Variants in RSPH14 observed in about 807,000 individuals in gnomAD.
The protein encoded by RSPH14 is rhabdoid tumor deletion region gene 1.
Under a neutral mutation model 26.7 loss-of-function variants are expected in RSPH14, and 20 were observed. The observed-to-expected ratio is 0.75, with a 90% CI of 0.53 to 1.09. The LOEUF (loss-of-function observed/expected upper bound fraction) is 1.09, where lower values mean the gene tolerates loss of function less well. Among genes scored for constraint, RSPH14 ranks in the 50% least tolerant of loss-of-function variants. RSPH14 has a pLI of 0.00. For missense variants in RSPH14, 449 were observed against 457.2 expected (o/e 0.98, Z 0.16); for synonymous variants, 177 against 189.3 (o/e 0.93, Z 0.53).
At chr22:23,150,961 G>A in the RSPH14 span, among the ~76,000 whole-genome samples, 2 of 152,202 alleles carry the variant, frequency 1.3e-5, no homozygotes, top group African/African-American at 2.4e-5. Context: ...TTCCTGCCGC[G>A]GCAGCTCCTG....
intron 4 of RSPH14, among the ~76,000 whole-genome samples, chr22:23,100,460 G>A (rs905005832): frequency 4.6e-5 from 7 of 152,208 alleles, no homozygotes; most frequent in East Asian, 3.8e-4. Flanking sequence ...TCCAGGGGAC[G>A]GGGGACATAA....
upstream of RSPH14, among the ~76,000 whole-genome samples, chr22:23,149,060 A>C (rs570418119): frequency 1.5e-4 from 23 of 152,318 alleles, no homozygotes; most frequent in South Asian, 4.8e-3. Context: ...CTGCTGCCTC[A>C]ATCACAGCTG....
intron 4 of RSPH14, among the ~76,000 whole-genome samples, chr22:23,106,516 C>T (rs2069482103): frequency 6.6e-6 from 1 of 152,192 alleles, no homozygotes; most frequent in Non-Finnish European, 1.5e-5. Flanking sequence ...GGACTTGTGT[C>T]CATCTGGACT....
At chr22:23,142,680 G>T (rs1166695134), upstream of RSPH14, among the ~76,000 whole-genome samples, 2 of 152,178 alleles carry the variant, frequency 1.3e-5, no homozygotes, top group Non-Finnish European at 1.5e-5. Context: ...AGACTGCCTA[G>T]CCCTGCCCAT....
At chr22:23,165,069 G>T in the RSPH14 span, among the ~76,000 whole-genome samples, 1 of 152,246 alleles carries the variant, frequency 6.6e-6, no homozygotes, top group East Asian at 1.9e-4. Flanking sequence ...AGTGTGATTG[G>T]TCACATCTGG....
At chr22:23,090,146 A>T (rs1351434042) in intron 4 of RSPH14, among the ~76,000 whole-genome samples, 1 of 152,164 alleles carries the variant, frequency 6.6e-6, no homozygotes, top group African/African-American at 2.4e-5. Context: ...AGCCCTGGCC[A>T]TAAGCACAGC....
chr22:23,067,104 A>C (rs1010142987), intron 4 of RSPH14, among the ~76,000 whole-genome samples: 3 of 152,110 alleles, frequency 2.0e-5, no homozygotes, highest in African/African-American at 7.2e-5. Context: ...GGCCTGGCTG[A>C]TATGTAGGGG....
chr22:23,144,069 G>A (rs1465592929), upstream of RSPH14, among the ~76,000 whole-genome samples: 1 of 145,278 alleles, frequency 6.9e-6, no homozygotes, highest in African/African-American at 2.6e-5. Flanking sequence ...CTCCAGCCTG[G>A]GCGACAGAGT....
chr22:23,125,561 T>C (rs1314250557), intron 4 of RSPH14, among the ~76,000 whole-genome samples: 1 of 152,248 alleles, frequency 6.6e-6, no homozygotes, highest in East Asian at 1.9e-4. Flanking sequence ...AAAGTGCCGA[T>C]CAGAAGTCAA....
chr22:23,086,400 C>T (rs1339120478), intron 4 of RSPH14, among the ~76,000 whole-genome samples: 1 of 152,248 alleles, frequency 6.6e-6, no homozygotes, highest in East Asian at 1.9e-4. Context: ...GAGCAAAGCA[C>T]TCGGCCCAGC....
upstream of RSPH14, chr22:23,145,669 T>C (rs1298039582): frequency 2.1e-5 from 25 of 1,217,258 alleles, no homozygotes; most frequent in Non-Finnish European, 3.4e-6. Context: ...CCCTATAACT[T>C]GAAAGCGGCC....
At chr22:23,145,876 T>G (rs1601878765), upstream of RSPH14, 1 of 668,874 alleles carries the variant, frequency 1.5e-6, no homozygotes, top group Non-Finnish European at 1.8e-6. Context: ...AGAGGCCTGG[T>G]GAAGTGAGGG....
Position 23,080,358 on chromosome 22 carries a change from T to TTCATCTCATCTCCCCGG in RSPH14, c.422-16242_422-16226dup, listed in dbSNP as rs1372605287. Among the ~76,000 whole-genome samples, 8 of 152,170 alleles carry TTCATCTCATCTCCCCGG rather than the reference T, an allele frequency of 5.3e-5. No homozygotes were observed. The East Asian group carries it at 1.4e-3, about 26-fold the overall frequency. On this transcript the variant is annotated intron_variant, in intron 4 of 6. Coordinates refer to ENST00000216036, the MANE Select transcript of RSPH14 (RefSeq NM_014433.3). The stretch of plus-strand genomic sequence containing the variant: ...AGGGTTACAGGGAAGGGCCTCCCTG[T>TTCATCTCATCTCCCCGG]TCATCTCATCTCCCCGGTCATCTCA...
In RSPH14 at chr22:23,109,133, G is replaced by GT. The variant is rs200359380; in HGVS notation, c.421+24892dup. ...CCTCCTTGGAAGACCTATTGACCAC[G>GT]TTTCTCTTGTGACGCACTTCACTGT... On this transcript the variant is annotated intron_variant, in intron 4 of 6. Coordinates refer to ENST00000216036, the MANE Select transcript of RSPH14 (RefSeq NM_014433.3). Among the ~76,000 whole-genome samples the GT allele has an allele frequency of 5.9e-3, 897 of 152,270 alleles. 9 individuals are homozygous for GT. Among genetic ancestry groups the GT allele is most frequent in the Middle Eastern group, 0.027 (8 of 294 alleles).
chr22:23,156,580 G>A, the RSPH14 span, among the ~76,000 whole-genome samples: 2 of 152,230 alleles, frequency 1.3e-5, no homozygotes, highest in Non-Finnish European at 2.9e-5. Flanking sequence ...TTCCCAGGAA[G>A]AAGACAGAAA....
At chr22:23,158,994 A>C in the RSPH14 span, 7 of 1,613,050 alleles carry the variant, frequency 4.3e-6, no homozygotes, top group Non-Finnish European at 2.5e-6. Flanking sequence ...GCAGAGTGGC[A>C]CTGGTGGTCT....
intron 6 of RSPH14, 58 bp from the exon 7 acceptor site, chr22:23,059,776 C>A (rs996407366): frequency 2.7e-6 from 4 of 1,484,218 alleles, no homozygotes; most frequent in African/African-American, 1.4e-5. Flanking sequence ...TTCTCACCCC[C>A]TCTCACCCTA....
intron 4 of RSPH14, among the ~76,000 whole-genome samples, chr22:23,078,037 C>T (rs906802958): frequency 6.6e-6 from 1 of 152,238 alleles, no homozygotes. Context: ...GGCCTCAGGC[C>T]AGCCCCACCC....
the RSPH14 span, among the ~76,000 whole-genome samples, chr22:23,172,413 C>T: frequency 7.6e-6 from 1 of 131,958 alleles, no homozygotes; most frequent in African/African-American, 2.9e-5. Flanking sequence ...GAGATTCTGT[C>T]TCAAAAAAAA....
Sources: gnomAD v4.1 joint callset for allele counts (sites outside exome capture counted in the v4.1 genomes callset) on GRCh38, gnomAD v4.1.1 for gene constraint, MANE v1.5 for transcripts, NCBI Gene and HGNC (gene_info 2026-07-23, HGNC 2026-07-21) for gene names.